The following ARID4A variants were observed in gnomAD, a reference collection of about 807,000 sequenced individuals.
The protein encoded by ARID4A is AT-rich interactive domain-containing protein 4A.
Under a neutral mutation model 148.6 loss-of-function variants are expected in ARID4A, and 39 were observed. That is an observed-to-expected ratio of 0.26 (90% CI 0.20 to 0.34). The LOEUF (loss-of-function observed/expected upper bound fraction) is 0.34. Among genes scored for constraint, ARID4A ranks in the 10% least tolerant of loss-of-function variants. ARID4A has a pLI of 1.00. For missense variants in ARID4A, 1,265 were observed against 1,449.1 expected (o/e 0.87, Z 2.06); for synonymous variants, 475 against 481.2 (o/e 0.99, Z 0.17).
chr14:58,362,159 T>A (rs995616328), intron 19 of ARID4A, among the ~76,000 whole-genome samples: 8 of 152,198 alleles, frequency 5.3e-5, no homozygotes, highest in African/African-American at 1.4e-4. Context: ...TCAGCAAAGC[T>A]GAGACCATGT....
At chr14:58,312,453 T>G (rs776057946) in intron 5 of ARID4A, among the ~76,000 whole-genome samples, 1 of 152,116 alleles carries the variant, frequency 6.6e-6, no homozygotes, top group African/African-American at 2.4e-5. Context: ...TGAGCTCAAG[T>G]GATCCACCTG....
intron 13 of ARID4A, 40 bp downstream of exon 13, chr14:58,346,545 G>GT (rs1763902308): frequency 1.4e-6 from 2 of 1,394,678 alleles, no homozygotes; most frequent in Non-Finnish European, 2.0e-6. Context: ...TATTGATGTG[G>GT]TAAAAAGTTA....
chr14:58,365,090 C>G lies in ARID4A; in HGVS notation c.3001C>G (p.His1001Asp), dbSNP rs1219277845. Reference sequence around the variant, plus strand: ...ACCTGCCCTACCTCCTGTAGTCCAACATAACTTTTCAGTAGCTTCACCACT... The same window carrying G: ...ACCTGCCCTACCTCCTGTAGTCCAAGATAACTTTTCAGTAGCTTCACCACT... ...IPPALPPVVQHNFSVASPLTL... is the reference protein window; with the variant it reads ...IPPALPPVVQDNFSVASPLTL... The change falls in exon 20 of 24, where the codon CAT (histidine) becomes GAT (aspartate). Residue 1001 changes from histidine (H) to aspartate (D), a missense_variant. This residue lies in a region of ARID4A where 666 missense variants were observed against 730.9 expected (regional missense o/e 0.91). Coordinates refer to ENST00000355431, the MANE Select transcript of ARID4A (RefSeq NM_002892.4). 2.5e-6 allele frequency: 4 copies of G among 1,614,000 alleles called. No individual in the cohort carries two copies. Among genetic ancestry groups the G allele is most frequent in the Non-Finnish European group, 3.4e-6 (4 of 1,180,008 alleles).
intron 11 of ARID4A, among the ~76,000 whole-genome samples, chr14:58,340,719 A>G (rs1344454825): frequency 6.6e-6 from 1 of 151,990 alleles, no homozygotes; most frequent in African/African-American, 2.4e-5. Context: ...TCCTGACCTC[A>G]GGTAATCCAC....
At chr14:58,325,673 A>G (rs1566685168) in intron 8 of ARID4A, among the ~76,000 whole-genome samples, 1 of 152,204 alleles carries the variant, frequency 6.6e-6, no homozygotes, top group Admixed American at 6.5e-5. Flanking sequence ...AAATTAGACT[A>G]TAATCCTGTA....
At position 58,304,981 on chromosome 14, in the gene ARID4A, A is replaced by C. The variant is rs2031488712; in HGVS notation, c.155A>C (p.Gln52Pro). The C allele has an allele frequency of 1.2e-6, 2 of 1,607,422 alleles. No homozygotes were observed. The highest frequency in any genetic ancestry group is 3.4e-5 in the Admixed American group (2 of 58,848). The change falls in exon 4 of 24, where the codon CAA becomes CCA. Residue 52 changes from glutamine to proline, a missense_variant. By Grantham distance (76) the Gln-to-Pro change is moderately conservative (BLOSUM62 -1). Around this residue, in one of 9 missense-constraint regions of ARID4A, gnomAD observed 59 missense variants for 49.8 expected, o/e 1.18. Coordinates refer to ENST00000355431, the MANE Select transcript of ARID4A (RefSeq NM_002892.4). ...CAGGATAATACCACACAATTGGTAC[A>C]AGATGACCAAGTAAAGGGTCCTTTA... ...LKQDNTTQLV[Q>P]DDQVKGPLRV...
In ARID4A at chr14:58,330,089, A is replaced by G. The variant is rs748227130; in HGVS notation, c.826A>G (p.Ser276Gly). 1.9e-6 allele frequency: 3 copies of G among 1,613,638 alleles called. No individual in the cohort carries two copies. The highest frequency in any genetic ancestry group is 4.5e-5 in the East Asian group (2 of 44,806). The change falls in exon 11 of 24, where the codon AGT becomes GGT. Residue 276 changes from serine (S) to glycine (G), a missense_variant. Ser to Gly is a moderately conservative substitution (Grantham distance 56). Transcript: ENST00000355431. ...MDISEILESS[S>G]SDDEDGPAEE... ...TATAAGTGAAATCCTTGAGTCATCCAGTAGTGATGATGAAGATGGCCCAGC... is the reference window on the plus strand; with the variant it reads ...TATAAGTGAAATCCTTGAGTCATCCGGTAGTGATGATGAAGATGGCCCAGC...
rs1340122766 is a variant in ARID4A, at chr14:58,353,646, A to T, written c.1656-12A>T. 6.2e-7 allele frequency: 1 copy of T among 1,611,090 alleles called. No individual in the cohort carries two copies. The highest frequency in any genetic ancestry group is 2.2e-5 in the East Asian group (1 of 44,812). Reference sequence around the variant, plus strand: ...TTATTAGTAGCATTATCAGTATTATAACTTACTGCAGGGAAGAAACTGAAA... The same window carrying T: ...TTATTAGTAGCATTATCAGTATTATTACTTACTGCAGGGAAGAAACTGAAA... On this transcript the variant is annotated splice_polypyrimidine_tract_variant and intron_variant, in intron 16 of 23. Coordinates refer to ENST00000355431, the MANE Select transcript of ARID4A (RefSeq NM_002892.4).
rs1375152660 is a variant in ARID4A, at chr14:58,359,032, T to C, written c.1854-100T>C. 6 of 1,294,860 alleles carry C rather than the reference T, an allele frequency of 4.6e-6. No homozygotes were observed. The African/African-American group carries it at 6.1e-5, about 13-fold the overall frequency. 80.2% of individuals were successfully genotyped at this position (1,294,860 alleles called of 1,614,324 possible). ...TTGCCAACACTAAGAACAAACTATT[T>C]AATCTGTCTCACTGTTGTTTTCGTT... On this transcript the variant is annotated intron_variant, in intron 17 of 23. Transcript: ENST00000355431.
intron 3 of ARID4A, chr14:58,303,714 A>C (rs2031378217): frequency 3.5e-6 from 1 of 283,212 alleles, no homozygotes; most frequent in Non-Finnish European, 7.7e-6. Context: ...ACTTGTTCCA[A>C]ATGCAAATTT....
intron 5 of ARID4A, among the ~76,000 whole-genome samples, chr14:58,314,150 A>T (rs1414913144): frequency 6.6e-6 from 1 of 152,210 alleles, no homozygotes; most frequent in East Asian, 1.9e-4. Flanking sequence ...AATATAAGAC[A>T]TTTCATAGAA....
At chr14:58,332,733 T>C (rs1282777794) in intron 11 of ARID4A, among the ~76,000 whole-genome samples, 1 of 152,154 alleles carries the variant, frequency 6.6e-6, no homozygotes, top group Non-Finnish European at 1.5e-5. Context: ...CTACGCTGTT[T>C]TATTACATTA....
At chr14:58,353,050 A>G (rs2034709620) in intron 16 of ARID4A, among the ~76,000 whole-genome samples, 1 of 152,168 alleles carries the variant, frequency 6.6e-6, no homozygotes, top group East Asian at 1.9e-4. Context: ...CCTTTAAAAT[A>G]TAAATTAGTT....
chr14:58,344,037 T>C (rs189700371), intron 11 of ARID4A, among the ~76,000 whole-genome samples: 11 of 152,262 alleles, frequency 7.2e-5, no homozygotes, highest in African/African-American at 2.6e-4. Context: ...TATTTTGTTA[T>C]CTTATTTTTA....
chr14:58,301,697 T>C lies in ARID4A; in HGVS notation c.117+7T>C. On this transcript the variant is annotated splice_region_variant and intron_variant, in intron 3 of 23. Transcript: ENST00000355431. ...AAGGCTGGTGAAAGTTAAGGTAATATTTGTTTTTATGCAATAGTTTTATTA... is the reference window on the plus strand; with the variant it reads ...AAGGCTGGTGAAAGTTAAGGTAATACTTGTTTTTATGCAATAGTTTTATTA... 1.2e-6 allele frequency: 2 copies of C among 1,603,618 alleles called. No individual in the cohort carries two copies. The highest frequency in any genetic ancestry group is 1.7e-6 in the Non-Finnish European group (2 of 1,171,196).
At chr14:58,300,549 A>C (rs1175709900) in intron 2 of ARID4A, among the ~76,000 whole-genome samples, 1 of 152,164 alleles carries the variant, frequency 6.6e-6, no homozygotes, top group African/African-American at 2.4e-5. Context: ...CACTTACTTT[A>C]AAAGGTACCC....
Position 58,337,712 on chromosome 14 carries a change from C to G in ARID4A, c.907-6983C>G, listed in dbSNP as rs145105071. ...AAGCCATCTTGGGATAGTTTTCTGT[C>G]ACTTGTAGTAAAAGTTATTGAGTAA... On this transcript the variant is annotated intron_variant, in intron 11 of 23. Coordinates refer to ENST00000355431, the MANE Select transcript of ARID4A (RefSeq NM_002892.4). Among the ~76,000 whole-genome samples, 7 of 152,258 alleles carry G rather than the reference C, an allele frequency of 4.6e-5. No homozygotes were observed. In the East Asian group the frequency reaches 1.2e-3, roughly 25 times the overall value.
chr14:58,339,538 A>G (rs2034003014), intron 11 of ARID4A, among the ~76,000 whole-genome samples: 1 of 152,104 alleles, frequency 6.6e-6, no homozygotes, highest in South Asian at 2.1e-4. Flanking sequence ...TTACTGACAT[A>G]TTTTGACAAT....
intron 12 of ARID4A, 93 bp downstream of exon 12, chr14:58,344,860 C>A: frequency 2.2e-6 from 2 of 916,050 alleles, no homozygotes; most frequent in Admixed American, 4.9e-5. Context: ...TGCAGATAAA[C>A]AGTTTTGGAT....
Sources: gnomAD v4.1 joint callset for allele counts (sites outside exome capture counted in the v4.1 genomes callset) on GRCh38, gnomAD v4.1.1 for gene constraint, gnomAD v4.1.1 regional missense constraint, MANE v1.5 for transcripts, NCBI Gene and HGNC (gene_info 2026-07-23, HGNC 2026-07-21) for gene names.